Variants in PDCD6 observed in about 807,000 individuals in gnomAD.
PDCD6 encodes programmed cell death 6.
Under a neutral mutation model 28.3 loss-of-function variants are expected in PDCD6, and 12 were observed. That is an observed-to-expected ratio of 0.42 (90% confidence interval 0.27 to 0.69). The LOEUF (loss-of-function observed/expected upper bound fraction) is 0.69, where lower values mean the gene tolerates loss of function less well. PDCD6 is among the 30% of genes least tolerant of loss of function. The pLI is 0.22. For synonymous variants in PDCD6, 92 were observed against 108.0 expected (o/e 0.85, Z 0.92); for missense variants, 226 against 269.9 (o/e 0.84, Z 1.14).
chr5:281,738 C>A (rs78390925), intron 2 of PDCD6, among the ~76,000 whole-genome samples: 19 of 135,566 alleles, frequency 1.4e-4, no homozygotes, highest in Admixed American at 2.2e-4. Context: ...TTTGAGGGCC[C>A]TACAGCTGGA....
chr5:303,297 TAAA>T (rs34022166), intron 2 of PDCD6, among the ~76,000 whole-genome samples: 1 of 129,222 alleles, frequency 7.7e-6, no homozygotes, highest in Admixed American at 7.8e-5. Context: ...TTTTTGTGCA[TAAA>T]AAAAAAAAAA....
At chr5:289,063 C>T in intron 2 of PDCD6, 2 of 1,300,764 alleles carry the variant, frequency 1.5e-6, no homozygotes, top group Non-Finnish European at 1.1e-6. Flanking sequence ...TTATTTTCCT[C>T]AAAAGTCTCT....
intron 2 of PDCD6, among the ~76,000 whole-genome samples, chr5:277,785 C>T (rs1406382759): frequency 2.8e-4 from 42 of 151,816 alleles, no homozygotes; most frequent in African/African-American, 7.7e-4. Context: ...AATGGTGGTG[C>T]GCGCCTATAA....
Position 271,734 on chromosome 5 carries a change from C to A in PDCD6, c.14C>A (p.Ser5Tyr). 1 of 1,537,740 alleles carries A rather than the reference C, an allele frequency of 6.5e-7. No individual in the cohort carries two copies. The highest frequency in any genetic ancestry group is 8.7e-7 in the Non-Finnish European group (1 of 1,147,480). Reference protein sequence around the residue: MAAYSYRPGPGAGPG... With the variant: MAAYYYRPGPGAGPG... ...GTGCCTTGGCCCATGGCCGCCTACT[C>A]TTACCGCCCCGGCCCTGGGGCCGGC... The change falls in exon 1 of 6, where the codon TCT (serine) becomes TAT (tyrosine). Residue 5 changes from serine (S) to tyrosine (Y), a missense_variant. Around this residue, in one of 3 missense-constraint regions of PDCD6, gnomAD observed 72 missense variants for 71.4 expected, o/e 1.01. Transcript: ENST00000264933.
intron 2 of PDCD6, chr5:276,576 A>C (rs567395474): frequency 1.0e-6 from 1 of 982,298 alleles, no homozygotes; most frequent in East Asian, 1.1e-4. Context: ...ATGAATTCCT[A>C]TACTAATATG....
chr5:276,408 C>A (rs1445906575), intron 2 of PDCD6: 38 of 989,474 alleles, frequency 3.8e-5, no homozygotes, highest in Non-Finnish European at 4.3e-5. Context: ...TGTACAGGCA[C>A]ACAAAATTTG....
At chr5:311,690 T>TTGTTA (rs1445097082) in intron 5 of PDCD6, 6 of 334,976 alleles carry the variant, frequency 1.8e-5, no homozygotes, top group African/African-American at 1.3e-4. Context: ...TTTTTGTTTT[T>TTGTTA]TGTTTTGTTT....
At chr5:273,099 C>T (rs1387494417) in intron 2 of PDCD6, 1 of 284,588 alleles carries the variant, frequency 3.5e-6, no homozygotes, top group Non-Finnish European at 6.9e-6. Context: ...GTTGGAGGTC[C>T]TTGAATTTCC....
intron 2 of PDCD6, chr5:276,420 C>T: frequency 2.0e-6 from 2 of 989,166 alleles, no homozygotes; most frequent in South Asian, 4.6e-5. Flanking sequence ...CAAAATTTGT[C>T]CTTGGATAAA....
At chr5:299,774 C>T (rs1342508253) in intron 2 of PDCD6, among the ~76,000 whole-genome samples, 1 of 152,192 alleles carries the variant, frequency 6.6e-6, no homozygotes, top group African/African-American at 2.4e-5. Flanking sequence ...TGGTCTCGAT[C>T]TCCTCACCTG....
chr5:294,683 C>T (rs1739497120), intron 2 of PDCD6, among the ~76,000 whole-genome samples: 1 of 152,356 alleles, frequency 6.6e-6, no homozygotes, highest in South Asian at 2.1e-4. Flanking sequence ...ATCCAGCAAC[C>T]CCGCTCCTGA....
At chr5:272,419 T>C (rs1245378377) in intron 1 of PDCD6, among the ~76,000 whole-genome samples, 1 of 148,684 alleles carries the variant, frequency 6.7e-6, no homozygotes, top group African/African-American at 2.6e-5. Context: ...TCTGAGGGAA[T>C]CTTGTCTTGT....
intron 5 of PDCD6, chr5:312,077 G>A (rs1740956878): frequency 6.6e-6 from 1 of 152,592 alleles, no homozygotes; most frequent in African/African-American, 2.4e-5. Flanking sequence ...CTGTGTGTGA[G>A]GTCAGCTGTG....
At chr5:276,899 C>G in intron 2 of PDCD6, 1 of 984,778 alleles carries the variant, frequency 1.0e-6, no homozygotes, top group African/African-American at 1.7e-5. Context: ...AAGAAGAAGA[C>G]TGTTCTCTGC....
chr5:291,810 GTGTT>G (rs1739332529), intron 2 of PDCD6, among the ~76,000 whole-genome samples: 1 of 152,262 alleles, frequency 6.6e-6, no homozygotes, highest in Non-Finnish European at 1.5e-5. Flanking sequence ...CTGTGGATGA[GTGTT>G]TGGCCAGGTT....
chr5:280,478 A>G (rs978196494), intron 2 of PDCD6, among the ~76,000 whole-genome samples: 2 of 145,490 alleles, frequency 1.4e-5, no homozygotes, highest in Non-Finnish European at 3.0e-5. Context: ...AGGGGAGACC[A>G]TAGACCGAAG....
chr5:299,321 T>G (rs1739872069), intron 2 of PDCD6, among the ~76,000 whole-genome samples: 1 of 81,926 alleles, frequency 1.2e-5, no homozygotes, highest in Non-Finnish European at 2.5e-5. Flanking sequence ...CACCCGTTCC[T>G]GTGGCATCCC....
At chr5:311,428 T>G in intron 5 of PDCD6, 26 bp downstream of exon 5, 367 of 1,524,998 alleles carry the variant, frequency 2.4e-4, no homozygotes, top group Non-Finnish European at 3.0e-4. Flanking sequence ...CACGTGGGTT[T>G]GTGGTGGTGG....
intron 2 of PDCD6, among the ~76,000 whole-genome samples, chr5:296,254 C>A (rs1216860081): frequency 6.6e-6 from 1 of 152,228 alleles, no homozygotes; most frequent in Admixed American, 6.5e-5. Flanking sequence ...TGCTGCTCGA[C>A]CCTCAGATAA....
Sources: allele counts gnomAD v4.1 joint callset (sites outside exome capture counted in the v4.1 genomes callset), GRCh38; gene constraint gnomAD v4.1.1; regional missense constraint gnomAD v4.1.1; transcripts MANE v1.5; gene names NCBI Gene and HGNC (gene_info 2026-07-23, HGNC 2026-07-21).